The following SLC7A14 variants were observed in gnomAD, a reference collection of about 807,000 sequenced individuals.
SLC7A14 encodes solute carrier family 7 member 14.
SLC7A14 carries 37 observed loss-of-function variants against 60.2 expected under a neutral mutation model. The ratio of observed to expected loss-of-function variants is 0.61; its 90% CI spans 0.47 to 0.81. SLC7A14 has a LOEUF of 0.81. SLC7A14 is among the 30% of genes least tolerant of loss of function. The pLI, the probability that SLC7A14 is intolerant of heterozygous loss-of-function variation, is 0.00. For synonymous variants in SLC7A14, 399 were observed against 395.8 expected, an observed-to-expected ratio of 1.01 and a Z score of -0.10; for missense variants, 886 against 982.7, an observed-to-expected ratio of 0.90 and a Z score of 1.32.
rs572596910 is a variant in SLC7A14, at chr3:170,500,469, T to C, written c.541+640A>G. Among the ~76,000 whole-genome samples the C allele has an allele frequency of 3.8e-4, 42 of 110,944 alleles. 2 individuals carry two copies. The South Asian group carries it at 0.011, about 29-fold the overall frequency. 72.8% of individuals were successfully genotyped at this position (110,944 alleles called of 152,430 possible). On this transcript the variant is annotated intron_variant, in intron 3 of 7. Coordinates refer to ENST00000231706, the MANE Select transcript of SLC7A14 (RefSeq NM_020949.3). Reference sequence around the variant, plus strand: ...AAAAAAAAAAAAAAAAAAAAAGGAGTGGATGGCAAATGATGGATGGAGCCT... The same window carrying C: ...AAAAAAAAAAAAAAAAAAAAAGGAGCGGATGGCAAATGATGGATGGAGCCT...
intron 1 of SLC7A14, 85 bp from the exon 2 acceptor site, chr3:170,527,173 C>A (rs1056873036): frequency 3.5e-6 from 2 of 563,528 alleles, no homozygotes; most frequent in African/African-American, 3.8e-5. Context: ...GGTTAATGTC[C>A]TGAACTGGTA....
chr3:170,475,679 C>A (rs1298793824), intron 7 of SLC7A14, among the ~76,000 whole-genome samples: 1 of 152,060 alleles, frequency 6.6e-6, no homozygotes, highest in East Asian at 1.9e-4. Context: ...CTCAGAGATT[C>A]TGATTCAGTA....
At chr3:170,525,319 G>A (rs1235553098) in intron 2 of SLC7A14, among the ~76,000 whole-genome samples, 7 of 152,230 alleles carry the variant, frequency 4.6e-5, no homozygotes, top group African/African-American at 1.7e-4. Context: ...GGCAATAGGA[G>A]AGCCATTTTT....
intron 1 of SLC7A14, among the ~76,000 whole-genome samples, chr3:170,584,743 CGGA>C (rs1326920726): frequency 3.3e-5 from 5 of 152,120 alleles, no homozygotes; most frequent in African/African-American, 1.2e-4. Context: ...TGCACTCAGT[CGGA>C]GGAGGAGAGC....
chr3:170,503,448 G>C (rs1384255823), intron 2 of SLC7A14, among the ~76,000 whole-genome samples: 1 of 152,170 alleles, frequency 6.6e-6, no homozygotes, highest in Non-Finnish European at 1.5e-5. Flanking sequence ...GTGTTTTCAG[G>C]GTTCTCGGGA....
chr3:170,531,987 G>A (rs1243109442), intron 1 of SLC7A14, among the ~76,000 whole-genome samples: 1 of 152,182 alleles, frequency 6.6e-6, no homozygotes, highest in African/African-American at 2.4e-5. Flanking sequence ...TTAGGCTAGA[G>A]ACTGCCTTTG....
At chr3:170,500,184 T>C (rs1712559359) in intron 3 of SLC7A14, among the ~76,000 whole-genome samples, 1 of 152,164 alleles carries the variant, frequency 6.6e-6, no homozygotes, top group South Asian at 2.1e-4. Context: ...GGCTCATGCT[T>C]GTAATTCCAG....
chr3:170,491,085 G>C (rs1712203728), intron 4 of SLC7A14, among the ~76,000 whole-genome samples: 1 of 152,094 alleles, frequency 6.6e-6, no homozygotes, highest in Non-Finnish European at 1.5e-5. Context: ...CTTAGTGATG[G>C]GGATATAGTC....
In SLC7A14 at chr3:170,561,431, C is replaced by A. The variant is rs541134771; in HGVS notation, c.-153+24480G>T. Among the ~76,000 whole-genome samples, 13 of 152,286 alleles carry A rather than the reference C, an allele frequency of 8.5e-5. No individual in the cohort carries two copies. The South Asian group carries it at 2.7e-3, about 32-fold the overall frequency. ...CTACTGGGGTGTCATGAAGAGAGTA[C>A]TGGATTAGAAGCCACAAGTCCAGGG... On this transcript the variant is annotated intron_variant, in intron 1 of 7. Transcript: ENST00000231706.
chr3:170,533,679 G>GTGTGGT (rs1553872453), intron 1 of SLC7A14, among the ~76,000 whole-genome samples: 12 of 143,728 alleles, frequency 8.3e-5, no homozygotes, highest in Non-Finnish European at 1.5e-4. Flanking sequence ...GTGTGTGTGT[G>GTGTGGT]GTGTGTGTGT....
At chr3:170,499,296 CTGTG>C (rs10555697) in intron 3 of SLC7A14, among the ~76,000 whole-genome samples, 1 of 139,542 alleles carries the variant, frequency 7.2e-6, no homozygotes, top group African/African-American at 2.7e-5. Flanking sequence ...AAAAGGAACT[CTGTG>C]TGTGTGTGTG....
intron 1 of SLC7A14, among the ~76,000 whole-genome samples, chr3:170,531,512 C>A (rs1443765058): frequency 6.6e-6 from 1 of 151,868 alleles, no homozygotes; most frequent in East Asian, 1.9e-4. Flanking sequence ...CAAGAATGCC[C>A]CCTGGTCCTA....
At chr3:170,479,422 T>C (rs1194044722) in intron 7 of SLC7A14, among the ~76,000 whole-genome samples, 1 of 152,214 alleles carries the variant, frequency 6.6e-6, no homozygotes, top group Non-Finnish European at 1.5e-5. Flanking sequence ...AGCCACCTCA[T>C]GAACATCAGA....
In SLC7A14 at chr3:170,467,215, T is replaced by C; in HGVS notation, c.2156A>G (p.Asp719Gly). Residue 719 changes from aspartate (D) to glycine (G), a missense_variant, in exon 8 of 8, where the codon GAC becomes GGC. By Grantham distance (94) the Asp-to-Gly change is moderately conservative (BLOSUM62 -1). Transcript: ENST00000231706. ...SYATEGESQE[D>G]WGGPTEDKGF... ...TTTGTCTTCAGTGGGCCCGCCCCAG[T>C]CCTCCTGGCTCTCGCCCTCTGTGGC... 1 of 1,614,172 alleles carries C rather than the reference T, an allele frequency of 6.2e-7. No homozygotes were observed. Among genetic ancestry groups the C allele is most frequent in the South Asian group, 1.1e-5 (1 of 91,090 alleles).
chr3:170,493,964 T>C (rs1400152162), intron 4 of SLC7A14, among the ~76,000 whole-genome samples: 1 of 152,186 alleles, frequency 6.6e-6, no homozygotes, highest in Non-Finnish European at 1.5e-5. Context: ...CAGCAAAACA[T>C]TCACAATCCC....
At chr3:170,538,945 C>T (rs1713931002) in intron 1 of SLC7A14, among the ~76,000 whole-genome samples, 1 of 152,214 alleles carries the variant, frequency 6.6e-6, no homozygotes, top group Non-Finnish European at 1.5e-5. Flanking sequence ...GTGTGTTAAC[C>T]ACTGGAGCCT....
intron 1 of SLC7A14, among the ~76,000 whole-genome samples, chr3:170,550,504 T>C (rs1284485604): frequency 1.4e-5 from 2 of 145,076 alleles, no homozygotes; most frequent in African/African-American, 5.3e-5. Context: ...AATGCCATCT[T>C]TCCTTGAATT....
chr3:170,512,949 G>A (rs1321446278), intron 2 of SLC7A14, among the ~76,000 whole-genome samples: 1 of 152,110 alleles, frequency 6.6e-6, no homozygotes, highest in Non-Finnish European at 1.5e-5. Flanking sequence ...AGGATGGAAG[G>A]CTGGCATGCA....
intron 7 of SLC7A14, among the ~76,000 whole-genome samples, chr3:170,479,987 GT>G (rs768512916): frequency 3.0e-4 from 45 of 152,200 alleles, no homozygotes; most frequent in Non-Finnish European, 5.7e-4. Flanking sequence ...CCTTAAAAAT[GT>G]GGATTCACTT....
Sources: gnomAD v4.1 joint callset for allele counts (sites outside exome capture counted in the v4.1 genomes callset) on GRCh38, gnomAD v4.1.1 for gene constraint, MANE v1.5 for transcripts, NCBI Gene and HGNC (gene_info 2026-07-23, HGNC 2026-07-21) for gene names.